MYO10: variants seen among roughly 807,000 people sequenced by gnomAD.
MYO10 encodes the protein myosin X.
In MYO10, 133 loss-of-function variants were observed where a neutral mutation model predicts 257.3. The ratio of observed to expected loss-of-function variants is 0.52; its 90% CI spans 0.45 to 0.60. MYO10 has a LOEUF of 0.60. MYO10 is among the 20% of genes least tolerant of loss of function. The pLI, the probability that MYO10 is intolerant of heterozygous loss-of-function variation, is 0.00. For synonymous variants in MYO10, 1,104 were observed against 1,028.6 expected (o/e 1.07, Z -1.40); for missense variants, 2,399 against 2,635.7 (o/e 0.91, Z 1.97).
chr5:16,905,943 A>G (rs901917111), intron 1 of MYO10, among the ~76,000 whole-genome samples: 12 of 152,170 alleles, frequency 7.9e-5, no homozygotes, highest in African/African-American at 2.7e-4. Flanking sequence ...CCTATCTTCC[A>G]TGGCAAGTTG....
intron 2 of MYO10, among the ~76,000 whole-genome samples, chr5:16,850,750 AG>A (rs1743775694): frequency 8.5e-6 from 1 of 117,756 alleles, no homozygotes; most frequent in Non-Finnish European, 1.6e-5. Flanking sequence ...AGTTTGGGGA[AG>A]GGGGCTGGTC....
At chr5:16,771,779 C>T (rs1229627457) in intron 9 of MYO10, among the ~76,000 whole-genome samples, 2 of 151,268 alleles carry the variant, frequency 1.3e-5, no homozygotes, top group African/African-American at 2.4e-5. Context: ...TGGAGTTTTG[C>T]GGTGTTGCCC....
chr5:16,748,842 G>T (rs1740296358), intron 19 of MYO10, among the ~76,000 whole-genome samples: 1 of 152,096 alleles, frequency 6.6e-6, no homozygotes, highest in Non-Finnish European at 1.5e-5. Context: ...GGCTGAGTCT[G>T]ACCTAAGAAG....
At chr5:16,881,641 T>C (rs943459128) in intron 1 of MYO10, among the ~76,000 whole-genome samples, 8 of 152,240 alleles carry the variant, frequency 5.3e-5, no homozygotes, top group African/African-American at 9.6e-5. Context: ...GCAATTTTCA[T>C]AGAATCGGAA....
At chr5:16,903,779 A>G (rs1052987857) in intron 1 of MYO10, among the ~76,000 whole-genome samples, 25 of 152,216 alleles carry the variant, frequency 1.6e-4, no homozygotes, top group African/African-American at 5.5e-4. Flanking sequence ...AGTGGCCATA[A>G]TAAAGTGCAG....
Position 16,666,567 on chromosome 5 carries a change from C to T in MYO10, c.*125G>A, listed in dbSNP as rs555036216. 6.0e-5 allele frequency: 45 copies of T among 746,284 alleles called. No homozygotes were observed. In the South Asian group the frequency reaches 8.0e-4, roughly 13 times the overall value. 46.2% of individuals were successfully genotyped at this position (746,284 alleles called of 1,614,324 possible). On this transcript the variant is annotated 3_prime_UTR_variant, in exon 41 of 41. Transcript: ENST00000513610. ...GATCCTCGGAGACACCTCCCTCAGA[C>T]CAGAAGCTTCCAGAAAGCCTGGGCA...
chr5:16,775,919 G>A (rs1426456369), intron 9 of MYO10, among the ~76,000 whole-genome samples: 1 of 136,216 alleles, frequency 7.3e-6, no homozygotes, highest in Non-Finnish European at 1.6e-5. Context: ...TTTTTGAGAT[G>A]GGGCCTGGCC....
At chr5:16,886,576 C>G (rs1316985297) in intron 1 of MYO10, among the ~76,000 whole-genome samples, 1 of 152,166 alleles carries the variant, frequency 6.6e-6, no homozygotes, top group East Asian at 1.9e-4. Flanking sequence ...TTATAGCTTT[C>G]AGCTACATCA....
At chr5:16,843,193 T>C (rs901635617) in intron 2 of MYO10, among the ~76,000 whole-genome samples, 14 of 152,186 alleles carry the variant, frequency 9.2e-5, no homozygotes, top group East Asian at 5.8e-4. Context: ...CCACACGTCA[T>C]AGAAGCTTCC....
intron 19 of MYO10, chr5:16,742,242 A>ACT (rs1489699186): frequency 7.4e-5 from 73 of 985,186 alleles, no homozygotes; most frequent in Non-Finnish European, 8.7e-5. Flanking sequence ...GCTGAGCTTC[A>ACT]CTCGCTGCAA....
rs77440138 is a variant in MYO10 at position 16,740,615 on chromosome 5, G to A, written c.1929+14213C>T. On this transcript the variant is annotated intron_variant, in intron 19 of 40. Coordinates refer to ENST00000513610, the MANE Select transcript of MYO10 (RefSeq NM_012334.3). Reference sequence around the variant, plus strand: ...GCCTCTCTAATTGCACCACCTTCCCGTACATATCCTTCAGCCACCGAGGCA... The same window carrying A: ...GCCTCTCTAATTGCACCACCTTCCCATACATATCCTTCAGCCACCGAGGCA... 4.4e-4 allele frequency among the ~76,000 whole-genome samples: 67 copies of A among 152,182 alleles called. 1 individual carries two copies. The South Asian group carries it at 6.8e-3, about 16-fold the overall frequency.
chr5:16,882,314 G>T (rs1191381503), intron 1 of MYO10, among the ~76,000 whole-genome samples: 6 of 152,170 alleles, frequency 3.9e-5, no homozygotes, highest in African/African-American at 1.4e-4. Flanking sequence ...GAGAAACTGA[G>T]AATGTAAAAT....
chr5:16,839,567 A>C (rs541757875), intron 2 of MYO10, among the ~76,000 whole-genome samples: 1 of 152,090 alleles, frequency 6.6e-6, no homozygotes, highest in African/African-American at 2.4e-5. Context: ...ACATGGCAAA[A>C]CCCCATCTCT....
intron 3 of MYO10, among the ~76,000 whole-genome samples, chr5:16,800,846 T>C (rs886443436): frequency 2.6e-5 from 4 of 152,148 alleles, no homozygotes; most frequent in Admixed American, 6.6e-5. Context: ...TAAAAGGTCG[T>C]CTGAATGCGT....
At chr5:16,824,944 A>C (rs971695794) in intron 2 of MYO10, among the ~76,000 whole-genome samples, 81 of 152,322 alleles carry the variant, frequency 5.3e-4, no homozygotes, top group East Asian at 3.9e-4. Flanking sequence ...GAGGTAAATC[A>C]AAATCAGCAT....
intron 2 of MYO10, among the ~76,000 whole-genome samples, chr5:16,824,504 T>C (rs1025068599): frequency 6.6e-6 from 1 of 152,146 alleles, no homozygotes; most frequent in Non-Finnish European, 1.5e-5. Context: ...CAACCAGATG[T>C]CTACCCAGAC....
chr5:16,698,429 C>T (rs1329397699), intron 26 of MYO10, among the ~76,000 whole-genome samples: 1 of 151,666 alleles, frequency 6.6e-6, no homozygotes, highest in Non-Finnish European at 1.5e-5. Context: ...GCCTCAAGGC[C>T]CCTAAGTGTT....
At chr5:16,789,024 C>T (rs759842675) in intron 4 of MYO10, among the ~76,000 whole-genome samples, 3 of 152,148 alleles carry the variant, frequency 2.0e-5, no homozygotes, top group Non-Finnish European at 1.5e-5. Flanking sequence ...GAATCTGATA[C>T]GAGCAGGGCC....
At position 16,711,265 on chromosome 5, in the gene MYO10, A is replaced by G; in HGVS notation, c.1930-20T>C. 1 of 1,595,672 alleles carries G rather than the reference A, an allele frequency of 6.3e-7. No homozygotes were observed. Among genetic ancestry groups the G allele is most frequent in the Non-Finnish European group, 8.5e-7 (1 of 1,170,334 alleles). On this transcript the variant is annotated intron_variant, in intron 19 of 40. Transcript: ENST00000513610. ...TGGCATCTAAACCATGCAAAAAAAA[A>G]AGATGGGATACCATTAGAAAAAATG...
Sources: gnomAD v4.1 joint callset for allele counts (sites outside exome capture counted in the v4.1 genomes callset) on GRCh38, gnomAD v4.1.1 for gene constraint, MANE v1.5 for transcripts, NCBI Gene and HGNC (gene_info 2026-07-23, HGNC 2026-07-21) for gene names.